The following TRHR variants were observed in gnomAD, a reference collection of about 807,000 sequenced individuals.
TRHR encodes thyrotropin-releasing hormone receptor.
In TRHR, 14 loss-of-function variants were observed where a neutral mutation model predicts 28.0. The ratio of observed to expected loss-of-function variants is 0.50; its 90% CI spans 0.33 to 0.78. The LOEUF (loss-of-function observed/expected upper bound fraction) is 0.78. Ranked by LOEUF, TRHR falls within the 30% of genes least tolerant of loss-of-function variation. The probability of loss-of-function intolerance (pLI) is 0.02; values close to 1 mark genes in which losing one functional copy is unlikely to be tolerated. For missense variants in TRHR, 438 were observed against 469.5 expected, an observed-to-expected ratio of 0.93 and a Z score of 0.62; for synonymous variants, 176 against 171.9, an observed-to-expected ratio of 1.02 and a Z score of -0.18.
At chr8:109,107,681 G>C (rs1176411990) in intron 2 of TRHR, among the ~76,000 whole-genome samples, 1 of 152,132 alleles carries the variant, frequency 6.6e-6, no homozygotes, top group Non-Finnish European at 1.5e-5. Flanking sequence ...AGTCTGCTAG[G>C]TTAACACAGA....
chr8:109,113,171 A>C (rs1811865104), intron 2 of TRHR, among the ~76,000 whole-genome samples: 1 of 152,168 alleles, frequency 6.6e-6, no homozygotes, highest in African/African-American at 2.4e-5. Context: ...TCATTATTCT[A>C]GAACAGTTTC....
Position 109,120,087 on chromosome 8 carries a change from T to C in TRHR, c.*632T>C, listed in dbSNP as rs970303882. Among the ~76,000 whole-genome samples, 6 of 151,962 alleles carry C rather than the reference T, an allele frequency of 3.9e-5. No individual in the cohort carries two copies. The highest frequency in any genetic ancestry group is 3.4e-3 in the Middle Eastern group (1 of 294). On this transcript the variant is annotated 3_prime_UTR_variant, in exon 3 of 3. Transcript: ENST00000518632. ...GTAGATAATCATCACTCAACTTTAATGTAAAATAAACCTCAAAATATCTGA... is the reference window on the plus strand; with the variant it reads ...GTAGATAATCATCACTCAACTTTAACGTAAAATAAACCTCAAAATATCTGA...
intron 2 of TRHR, among the ~76,000 whole-genome samples, chr8:109,103,147 C>A (rs1431768665): frequency 6.6e-6 from 1 of 152,130 alleles, no homozygotes; most frequent in African/African-American, 2.4e-5. Flanking sequence ...TCAATACATC[C>A]CTTACTCAAA....
intron 2 of TRHR, among the ~76,000 whole-genome samples, chr8:109,090,699 A>G (rs747435936): frequency 1.3e-5 from 2 of 152,202 alleles, no homozygotes; most frequent in African/African-American, 4.8e-5. Context: ...GGCATTTGAG[A>G]TGGCTCTGGA....
chr8:109,101,774 A>C (rs1299146842), intron 2 of TRHR, among the ~76,000 whole-genome samples: 1 of 152,190 alleles, frequency 6.6e-6, no homozygotes, highest in African/African-American at 2.4e-5. Context: ...AAACATATAG[A>C]CTGGAGATAT....
chr8:109,094,486 A>C (rs1188576805), intron 2 of TRHR, among the ~76,000 whole-genome samples: 1 of 152,092 alleles, frequency 6.6e-6, no homozygotes, highest in Non-Finnish European at 1.5e-5. Context: ...TAGTGTAAAT[A>C]TCTCTAAGTT....
intron 2 of TRHR, among the ~76,000 whole-genome samples, chr8:109,111,051 T>C (rs1364180188): frequency 6.6e-6 from 1 of 150,806 alleles, no homozygotes; most frequent in African/African-American, 2.4e-5. Context: ...TACTTGGGAG[T>C]TGAGGCAAGA....
At chr8:109,092,453 T>A (rs528531710) in intron 2 of TRHR, among the ~76,000 whole-genome samples, 1 of 151,828 alleles carries the variant, frequency 6.6e-6, no homozygotes, top group South Asian at 2.1e-4. Context: ...TTATTTATTT[T>A]TGAGATAGAG....
At chr8:109,118,737 C>G (rs762438698) in intron 2 of TRHR, among the ~76,000 whole-genome samples, 1 of 151,892 alleles carries the variant, frequency 6.6e-6, no homozygotes, top group Non-Finnish European at 1.5e-5. Flanking sequence ...TGAATGGACG[C>G]TGGCATTCAT....
chr8:109,098,198 C>A (rs1023073247), intron 2 of TRHR, among the ~76,000 whole-genome samples: 1 of 151,626 alleles, frequency 6.6e-6, no homozygotes, highest in Admixed American at 6.6e-5. Context: ...GGCTTGATCT[C>A]GGCTCACCGC....
intron 2 of TRHR, 110 bp from the exon 3 acceptor site, chr8:109,118,938 C>T (rs1350874317): frequency 7.3e-7 from 1 of 1,375,084 alleles, no homozygotes; most frequent in East Asian, 2.3e-5. Context: ...GCACCTAACT[C>T]CTTGTCTCAG....
intron 2 of TRHR, among the ~76,000 whole-genome samples, chr8:109,114,871 A>G (rs1326185836): frequency 6.6e-6 from 1 of 152,050 alleles, no homozygotes; most frequent in East Asian, 1.9e-4. Flanking sequence ...TTGCATTGCC[A>G]TGTCTCTCTG....
At chr8:109,116,526 C>A (rs1418297458) in intron 2 of TRHR, among the ~76,000 whole-genome samples, 1 of 151,964 alleles carries the variant, frequency 6.6e-6, no homozygotes, top group Non-Finnish European at 1.5e-5. Context: ...CTGGTTTAGT[C>A]TTGGGAGGGT....
At chr8:109,093,491 C>T (rs938388707) in intron 2 of TRHR, among the ~76,000 whole-genome samples, 1 of 148,248 alleles carries the variant, frequency 6.7e-6, no homozygotes, top group Non-Finnish European at 1.5e-5. Flanking sequence ...CTGCAACCTC[C>T]GACTCCCGTG....
chr8:109,090,689 G>A (rs1349731435), intron 2 of TRHR, among the ~76,000 whole-genome samples: 2 of 152,144 alleles, frequency 1.3e-5, no homozygotes, highest in Non-Finnish European at 2.9e-5. Context: ...TGGAAGAGGT[G>A]GCATTTGAGA....
chr8:109,119,100 C>T lies in TRHR; in HGVS notation c.842C>T (p.Pro281Leu), dbSNP rs1265656285. 1.9e-6 allele frequency: 3 copies of T among 1,612,610 alleles called. No homozygotes were observed. Among genetic ancestry groups the T allele is most frequent in the Non-Finnish European group, 2.5e-6 (3 of 1,179,220 alleles). The change falls in exon 3 of 3, where the codon CCC (proline) becomes CTC (leucine). Residue 281 changes from proline to leucine, a missense_variant. Transcript: ENST00000518632. ...ATTCTGTTTGCCCTTTTATGGATGC[C>T]CTACAGGACTCTAGTGGTTGTCAAC... ...VVILFALLWM[P>L]YRTLVVVNSF...
rs866451645 is a variant in TRHR at position 109,087,778 on chromosome 8, G to T, written c.266G>T (p.Gly89Val). ...GLPNITDSIY[G>V]SWVYGYVGCL... is the part of the protein sequence containing the mutation. Reference sequence around the variant, plus strand: ...CCCAACATAACAGACAGTATCTACGGTTCCTGGGTCTATGGCTATGTTGGA... The same window carrying T: ...CCCAACATAACAGACAGTATCTACGTTTCCTGGGTCTATGGCTATGTTGGA... The change falls in exon 2 of 3, where the codon GGT (glycine) becomes GTT (valine). Residue 89 changes from glycine to valine, a missense_variant. Transcript: ENST00000518632. 1.2e-6 allele frequency: 2 copies of T among 1,614,134 alleles called. No homozygotes were observed. The highest frequency in any genetic ancestry group is 8.5e-7 in the Non-Finnish European group (1 of 1,180,032).
Position 109,121,089 on chromosome 8 carries a change from T to G in TRHR, c.*1634T>G, listed in dbSNP as rs1812001561. On this transcript the variant is annotated 3_prime_UTR_variant, in exon 3 of 3. Transcript: ENST00000518632. Reference sequence around the variant, plus strand: ...ACCTCATTCTAGAGTGCGCTTTTTTTTTTTTGAAAATTGGCCTTATCTACT... The same window carrying G: ...ACCTCATTCTAGAGTGCGCTTTTTTGTTTTTGAAAATTGGCCTTATCTACT... 6.6e-6 allele frequency among the ~76,000 whole-genome samples: 1 copy of G among 151,154 alleles called. No homozygotes were observed. The highest frequency in any genetic ancestry group is 2.4e-5 in the African/African-American group (1 of 41,190).
At chr8:109,116,306 G>T (rs540507711) in intron 2 of TRHR, among the ~76,000 whole-genome samples, 24 of 152,230 alleles carry the variant, frequency 1.6e-4, no homozygotes, top group African/African-American at 5.5e-4. Flanking sequence ...TCAGGATGAT[G>T]TTGGCCTCAT....
Sources: allele counts gnomAD v4.1 joint callset (sites outside exome capture counted in the v4.1 genomes callset), GRCh38; gene constraint gnomAD v4.1.1; transcripts MANE v1.5; gene names NCBI Gene and HGNC (gene_info 2026-07-23, HGNC 2026-07-21).